The following INPP5F variants were observed in gnomAD, a reference collection of about 807,000 sequenced individuals.
INPP5F encodes the protein phosphatidylinositide 4-phosphatase SAC2.
Under a neutral mutation model 137.2 loss-of-function variants are expected in INPP5F, and 97 were observed. The observed-to-expected ratio is 0.71, with a 90% CI of 0.60 to 0.84. INPP5F has a LOEUF of 0.84. Ranked by LOEUF, INPP5F falls within the 40% of genes least tolerant of loss-of-function variation. The probability of loss-of-function intolerance (pLI) is 0.00; values close to 1 mark genes in which losing one functional copy is unlikely to be tolerated. For missense variants in INPP5F, 1,271 were observed against 1,371.9 expected (o/e 0.93, Z 1.16); for synonymous variants, 504 against 476.9 (o/e 1.06, Z -0.74).
In INPP5F at chr10:119,791,651, A is replaced by C. The variant is rs779381531; in HGVS notation, c.444+6A>C. ...CTGCTCCTAATAAAAAGAAAGTAAG[A>C]GTTTAATTGATATAGGCTTTGAATT... is the stretch of plus-strand genomic sequence containing the variant. On this transcript the variant is annotated splice_donor_region_variant and intron_variant, in intron 4 of 19. Coordinates refer to ENST00000650623, the MANE Select transcript of INPP5F (RefSeq NM_014937.4). The C allele has an allele frequency of 6.3e-7, 1 of 1,594,606 alleles. No homozygotes were observed. The highest frequency in any genetic ancestry group is 1.7e-5 in the Admixed American group (1 of 59,158).
At chr10:119,733,016 C>T (rs929129081) in intron 1 of INPP5F, among the ~76,000 whole-genome samples, 6 of 152,148 alleles carry the variant, frequency 3.9e-5, no homozygotes, top group African/African-American at 1.4e-4. Flanking sequence ...ACTCTAAAAC[C>T]AGGTTTTCCT....
chr10:119,802,191 TC>T (rs1351401787), intron 9 of INPP5F, among the ~76,000 whole-genome samples: 1 of 152,244 alleles, frequency 6.6e-6, no homozygotes, highest in East Asian at 1.9e-4. Flanking sequence ...GAACCAATAG[TC>T]CCTCTGTGGT....
chr10:119,802,003 C>T (rs1040679663), intron 9 of INPP5F, among the ~76,000 whole-genome samples: 11 of 152,110 alleles, frequency 7.2e-5, no homozygotes, highest in African/African-American at 2.2e-4. Flanking sequence ...CTTTCCAGGG[C>T]GTTGGGCCCA....
At chr10:119,734,066 A>G (rs1848157907) in intron 1 of INPP5F, among the ~76,000 whole-genome samples, 1 of 152,166 alleles carries the variant, frequency 6.6e-6, no homozygotes, top group Non-Finnish European at 1.5e-5. Context: ...AAGTCATGCA[A>G]ATTTCTCACT....
At chr10:119,739,187 G>GA (rs1233362976) in intron 1 of INPP5F, among the ~76,000 whole-genome samples, 4 of 148,994 alleles carry the variant, frequency 2.7e-5, no homozygotes, top group East Asian at 2.0e-4. Flanking sequence ...GTCTCAAGGG[G>GA]AAAAAAAAAA....
intron 2 of INPP5F, among the ~76,000 whole-genome samples, chr10:119,780,401 C>T (rs1849663283): frequency 6.6e-6 from 1 of 152,022 alleles, no homozygotes; most frequent in African/African-American, 2.4e-5. Flanking sequence ...ATGGCAAAAC[C>T]CCATCTCTTA....
At chr10:119,796,935 C>T (rs1239637218) in intron 7 of INPP5F, 22 bp downstream of exon 7, 2 of 1,588,186 alleles carry the variant, frequency 1.3e-6, no homozygotes, top group Non-Finnish European at 1.7e-6. Flanking sequence ...GCTGTAATAG[C>T]ATTCAAATCA....
intron 1 of INPP5F, among the ~76,000 whole-genome samples, chr10:119,743,666 G>A (rs1173933767): frequency 1.5e-5 from 2 of 129,882 alleles, no homozygotes; most frequent in South Asian, 2.7e-4. Context: ...GGGCGGGGGG[G>A]GGGATGGAAA....
At chr10:119,771,205 A>T (rs1564819114) in intron 2 of INPP5F, among the ~76,000 whole-genome samples, 1 of 152,240 alleles carries the variant, frequency 6.6e-6, no homozygotes, top group East Asian at 1.9e-4. Context: ...ATGAAATCAT[A>T]CAATATGTGC....
At chr10:119,823,760 A>AT (rs1277753132) in intron 18 of INPP5F, 55 bp from the exon 19 acceptor site, 69 of 1,387,232 alleles carry the variant, frequency 5.0e-5, no homozygotes, top group African/African-American at 8.6e-5. Context: ...TAGAACTGCT[A>AT]TTTTTTTTAG....
chr10:119,726,915 T>C (rs1047435428), intron 1 of INPP5F, among the ~76,000 whole-genome samples: 2 of 152,240 alleles, frequency 1.3e-5, no homozygotes, highest in Non-Finnish European at 2.9e-5. Context: ...GTCTTTGACT[T>C]TAATACCACA....
intron 2 of INPP5F, among the ~76,000 whole-genome samples, chr10:119,779,147 T>G (rs1301832240): frequency 6.6e-6 from 1 of 152,142 alleles, no homozygotes; most frequent in Admixed American, 6.5e-5. Flanking sequence ...TAATGAGAAA[T>G]GCATTGTTGG....
chr10:119,753,735 T>C (rs1424548040), intron 2 of INPP5F, among the ~76,000 whole-genome samples: 2 of 152,226 alleles, frequency 1.3e-5, no homozygotes, highest in Non-Finnish European at 2.9e-5. Context: ...CATAGGGTAC[T>C]GTGAGTCCCG....
At position 119,726,059 on chromosome 10, in the gene INPP5F, C is replaced by CT. The variant is rs1589651634; in HGVS notation, c.-203dup. 1.6e-5 allele frequency: 6 copies of CT among 366,596 alleles called. No homozygotes were observed. The East Asian group carries it at 2.7e-4, about 17-fold the overall frequency. 22.7% of individuals were successfully genotyped at this position (366,596 alleles called of 1,614,324 possible). A position where few individuals can be genotyped will look rare whatever the true frequency, so the allele number is the denominator to read the frequency against. ...GGGGAGGAGCGGGGGGGAGAGGCCT[C>CT]TACGGCCGCCGCTGCCGCCGCCGCT... On this transcript the variant is annotated 5_prime_UTR_variant, in exon 1 of 20. Transcript: ENST00000650623.
Position 119,823,071 on chromosome 10 carries a change from G to A in INPP5F, c.2033G>A (p.Gly678Asp). The change falls in exon 18 of 20, where the codon GGC (glycine) becomes GAC (aspartate). Residue 678 changes from glycine to aspartate, a missense_variant and splice_region_variant. Transcript: ENST00000650623. ...SLENLEKIEI[G>D]PEPTLFGKPK... is the part of the protein sequence containing the mutation. ...TATACGTATTCATTTGGGATTTTAGGCCCTGAACCCACTCTTTTTGGTAAG... is the reference window on the plus strand; with the variant it reads ...TATACGTATTCATTTGGGATTTTAGACCCTGAACCCACTCTTTTTGGTAAG... 6.2e-7 allele frequency: 1 copy of A among 1,612,174 alleles called. No homozygotes were observed. Among genetic ancestry groups the A allele is most frequent in the Non-Finnish European group, 8.5e-7 (1 of 1,179,234 alleles).
At chr10:119,794,181 G>T (rs1356637663) in intron 6 of INPP5F, among the ~76,000 whole-genome samples, 1 of 151,810 alleles carries the variant, frequency 6.6e-6, no homozygotes, top group Admixed American at 6.6e-5. Flanking sequence ...CGCAGTGTTT[G>T]TGTCCCTGGG....
chr10:119,807,581 C>G (rs1279675914), intron 12 of INPP5F, among the ~76,000 whole-genome samples: 4 of 152,216 alleles, frequency 2.6e-5, no homozygotes, highest in Non-Finnish European at 5.9e-5. Context: ...TTAACATTTA[C>G]TAGGCACTTA....
At chr10:119,796,378 A>G (rs1403875646) in intron 6 of INPP5F, among the ~76,000 whole-genome samples, 2 of 152,196 alleles carry the variant, frequency 1.3e-5, no homozygotes, top group Admixed American at 1.3e-4. Context: ...TACGTGTATT[A>G]TCCATTTAAT....
chr10:119,771,956 C>T (rs1292587623), intron 2 of INPP5F, among the ~76,000 whole-genome samples: 7 of 123,274 alleles, frequency 5.7e-5, no homozygotes, highest in Non-Finnish European at 8.0e-5. Flanking sequence ...AGTGCAGTGG[C>T]GCGATCTCGG....
Sources: allele counts gnomAD v4.1 joint callset (sites outside exome capture counted in the v4.1 genomes callset), GRCh38; gene constraint gnomAD v4.1.1; transcripts MANE v1.5; gene names NCBI Gene and HGNC (gene_info 2026-07-23, HGNC 2026-07-21).